Variants in SLC6A7 observed in about 807,000 individuals in gnomAD.
The protein encoded by SLC6A7 is solute carrier family 6 member 7, also known as sodium-dependent proline transporter.
A neutral mutation model predicts 73.1 loss-of-function variants in SLC6A7; 58 were observed. That is an observed-to-expected ratio of 0.79 (90% confidence interval 0.64 to 0.99). The LOEUF is 0.99. SLC6A7 is among the 50% of genes least tolerant of loss of function. The pLI is 0.00. For synonymous variants in SLC6A7, 338 were observed against 338.7 expected, an observed-to-expected ratio of 1.00 and a Z score of 0.02; for missense variants, 783 against 831.4, an observed-to-expected ratio of 0.94 and a Z score of 0.72.
intron 8 of SLC6A7, among the ~76,000 whole-genome samples, chr5:150,202,933 G>T (rs1469099775): frequency 5.3e-5 from 8 of 152,300 alleles, no homozygotes; most frequent in African/African-American, 1.9e-4. Context: ...AAAGTAGCCG[G>T]GCGTGGTGGC....
chr5:150,208,631 T>A (rs1452831350), intron 13 of SLC6A7, among the ~76,000 whole-genome samples: 1 of 152,184 alleles, frequency 6.6e-6, no homozygotes, highest in African/African-American at 2.4e-5. Flanking sequence ...GCTAAAGGCA[T>A]CACACATGGT....
intron 9 of SLC6A7, 41 bp downstream of exon 9, chr5:150,203,820 G>T (rs868051360): frequency 4.2e-5 from 34 of 802,614 alleles, no homozygotes; most frequent in East Asian, 3.6e-4. Flanking sequence ...GTGTGTGTGT[G>T]GTGTGTGTGT....
chr5:150,203,885 C>T, intron 9 of SLC6A7, 22 bp from the exon 10 acceptor site: 2 of 1,603,184 alleles, frequency 1.2e-6, no homozygotes, highest in Admixed American at 1.7e-5. Context: ...ATTCTGACCC[C>T]CAGCCCCTCC....
intron 13 of SLC6A7, among the ~76,000 whole-genome samples, chr5:150,206,533 C>T (rs2113988735): frequency 6.6e-6 from 1 of 152,356 alleles, no homozygotes; most frequent in East Asian, 1.9e-4. Context: ...ACTGCCTCTC[C>T]TCCACTTCCC....
rs766407282 is a variant in SLC6A7, at chr5:150,198,103, GAA to G, written c.584+829_584+830del. 6.0e-3 allele frequency among the ~76,000 whole-genome samples: 633 copies of G among 106,074 alleles called. 4 individuals are homozygous for G. The highest frequency in any genetic ancestry group is 0.011 in the African/African-American group (330 of 28,926). 69.6% of individuals were successfully genotyped at this position (106,074 alleles called of 152,430 possible). A position where few individuals can be genotyped will look rare whatever the true frequency, so the allele number is the denominator to read the frequency against. On this transcript the variant is annotated intron_variant, in intron 4 of 13. Transcript: ENST00000230671. ...AGAAAGAAAGAAAGAAAGAAAGAAAGAAAGAAAGAAAGAGAAAGAAAGAAAGA... is the reference window on the plus strand; with the variant it reads ...AGAAAGAAAGAAAGAAAGAAAGAAAGAGAAAGAAAGAGAAAGAAAGAAAGA...
intron 13 of SLC6A7, among the ~76,000 whole-genome samples, chr5:150,207,695 C>A (rs150371631): frequency 2.7e-3 from 413 of 152,316 alleles, no homozygotes; most frequent in African/African-American, 9.2e-3. Context: ...ACCTGTGTGA[C>A]CTTGGCCAAC....
Position 150,210,831 on chromosome 5 carries a change from G to A in SLC6A7, c.*1216G>A, listed in dbSNP as rs376769641. On this transcript the variant is annotated 3_prime_UTR_variant, in exon 14 of 14. Coordinates refer to ENST00000230671, the MANE Select transcript of SLC6A7 (RefSeq NM_014228.5). ...CAGGACATGGGCCCGGGCCCGGTGT[G>A]GGGGTAGACGCAGAGGGCAGAGGGT... The A allele has an allele frequency of 1.3e-5, 2 of 152,602 alleles. No individual in the cohort carries two copies. The highest frequency in any genetic ancestry group is 2.4e-5 in the African/African-American group (1 of 41,456). 9.5% of individuals were successfully genotyped at this position (152,602 alleles called of 1,614,324 possible).
chr5:150,205,274 G>A (rs1216205156), intron 12 of SLC6A7, among the ~76,000 whole-genome samples, 182 bp from the exon 13 acceptor site: 2 of 1,322 alleles, frequency 1.5e-3, no homozygotes, highest in East Asian at 0.045. Context: ...CTTCAAGATG[G>A]GCTGGCTAAA....
At chr5:150,190,784 C>A (rs190552481) in intron 1 of SLC6A7, among the ~76,000 whole-genome samples, 1 of 152,222 alleles carries the variant, frequency 6.6e-6, no homozygotes, top group East Asian at 1.9e-4. Flanking sequence ...GGGAGGCGGT[C>A]ATCCATACTG....
At chr5:150,198,815 T>TGG (rs1392320507) in intron 4 of SLC6A7, among the ~76,000 whole-genome samples, 1 of 83,602 alleles carries the variant, frequency 1.2e-5, no homozygotes, top group Non-Finnish European at 2.4e-5. Flanking sequence ...CTGGATGGTG[T>TGG]GTGTGTGTGT....
chr5:150,201,050 G>A lies in SLC6A7; in HGVS notation c.724-39G>A, dbSNP rs199574787. The A allele has an allele frequency of 2.6e-4, 416 of 1,609,612 alleles. 1 individual carries two copies. Among genetic ancestry groups the A allele is most frequent in the Non-Finnish European group, 4.4e-5 (52 of 1,177,320 alleles). ...TTACAAGGAATGGCACTGAGTCAAGGTCCCCGATGCCATCAGCTCCTCACT... is the reference window on the plus strand; with the variant it reads ...TTACAAGGAATGGCACTGAGTCAAGATCCCCGATGCCATCAGCTCCTCACT... On this transcript the variant is annotated intron_variant, in intron 5 of 13. Transcript: ENST00000230671.
chr5:150,190,119 G>A lies in SLC6A7; in HGVS notation c.-209G>A, dbSNP rs1345796068. On this transcript the variant is annotated 5_prime_UTR_variant, in exon 1 of 14. Coordinates refer to ENST00000230671, the MANE Select transcript of SLC6A7 (RefSeq NM_014228.5). ...CAGCAGTGCACCCTTCCCCAGCCTC[G>A]GGCGCTGCGCAGGGACAGACAAGGC... 6.4e-5 allele frequency: 29 copies of A among 456,036 alleles called. No homozygotes were observed. The highest frequency in any genetic ancestry group is 9.2e-5 in the Non-Finnish European group (24 of 261,978). 28.2% of individuals were successfully genotyped at this position (456,036 alleles called of 1,614,324 possible).
At chr5:150,209,267 C>T (rs961071929) in intron 13 of SLC6A7, 139 bp from the exon 14 acceptor site, 4 of 706,388 alleles carry the variant, frequency 5.7e-6, no homozygotes, top group African/African-American at 3.5e-5. Flanking sequence ...TCATAGTGCC[C>T]CCCACTTCCC....
At position 150,204,928 on chromosome 5, in the gene SLC6A7, G is replaced by A. The variant is rs1454661526; in HGVS notation, c.1533+1G>A. 2 of 567,368 alleles carry A rather than the reference G, an allele frequency of 3.5e-6. No individual in the cohort carries two copies. Among genetic ancestry groups the A allele is most frequent in the Non-Finnish European group, 6.9e-6 (2 of 289,668 alleles). The allele number at this position is 567,368 out of a possible 1,614,324, so 35.1% of individuals were successfully genotyped here. A position where few individuals can be genotyped will look rare whatever the true frequency, so the allele number is the denominator to read the frequency against. ...GTTCCTGTCCCCAGCCACGCTCTTG[G>A]TAACTGGGGAGGGCGGGAGGGTTTC... On this transcript the variant is annotated splice_donor_variant, in intron 12 of 13. Coordinates refer to ENST00000230671, the MANE Select transcript of SLC6A7 (RefSeq NM_014228.5). LOFTEE classifies it high-confidence loss of function.
chr5:150,201,256 GGCCAGGCC>G lies in SLC6A7; in HGVS notation c.858+34_858+41del, dbSNP rs769099463. On this transcript the variant is annotated intron_variant, in intron 6 of 13. Transcript: ENST00000230671. Reference sequence around the variant, plus strand: ...CCTCAGGGCGGGGTGCAGAGGGAGGGGCCAGGCCTGAGCTGGAGAGTGGAAAGAGGGCT... The same window carrying G: ...CCTCAGGGCGGGGTGCAGAGGGAGGGTGAGCTGGAGAGTGGAAAGAGGGCT... 39 of 1,568,242 alleles carry G rather than the reference GGCCAGGCC, an allele frequency of 2.5e-5. 1 individual carries two copies. The East Asian group carries it at 9.0e-4, about 36-fold the overall frequency.
chr5:150,198,868 T>C (rs1270005793), intron 4 of SLC6A7, among the ~76,000 whole-genome samples: 1 of 132,624 alleles, frequency 7.5e-6, no homozygotes, highest in Non-Finnish European at 1.6e-5. Context: ...GTGTGTGGTG[T>C]ACACATGTAT....
rs1562087094 is a variant in SLC6A7 at position 150,198,827 on chromosome 5, TG to T, written c.585-400del. On this transcript the variant is annotated intron_variant, in intron 4 of 13. Coordinates refer to ENST00000230671, the MANE Select transcript of SLC6A7 (RefSeq NM_014228.5). Reference sequence around the variant, plus strand: ...GCCCTGGATGGTGTGTGTGTGTGTGTGTGTGTGTGTGTGTGTGTGTGTGTGT... The same window carrying T: ...GCCCTGGATGGTGTGTGTGTGTGTGTTGTGTGTGTGTGTGTGTGTGTGTGT... 9.4e-3 allele frequency among the ~76,000 whole-genome samples: 1,403 copies of T among 149,640 alleles called. 11 individuals carry two copies. Among genetic ancestry groups the T allele is most frequent in the Admixed American group, 8.9e-3 (134 of 15,080 alleles).
chr5:150,202,196 C>T (rs1753417279), intron 6 of SLC6A7, 151 bp from the exon 7 acceptor site: 2 of 634,832 alleles, frequency 3.2e-6, no homozygotes, highest in South Asian at 3.7e-5. Context: ...GGCTTTGCTC[C>T]TGGTCCACGT....
intron 2 of SLC6A7, 59 bp from the exon 3 acceptor site, chr5:150,196,657 A>T: frequency 6.4e-7 from 1 of 1,562,780 alleles, no homozygotes; most frequent in Non-Finnish European, 8.7e-7. Flanking sequence ...GCGGGGCTAG[A>T]GCTGGGCTTT....
Sources: gnomAD v4.1 joint callset for allele counts (sites outside exome capture counted in the v4.1 genomes callset) on GRCh38, gnomAD v4.1.1 for gene constraint, MANE v1.5 for transcripts, NCBI Gene and HGNC (gene_info 2026-07-23, HGNC 2026-07-21) for gene names.